The following BBX variants were observed in gnomAD, a reference collection of about 807,000 sequenced individuals.
The protein encoded by BBX is HMG box transcription factor BBX.
In BBX, 30 loss-of-function variants were observed where a neutral mutation model predicts 100.2. That is an observed-to-expected ratio of 0.30 (90% CI 0.22 to 0.41). The LOEUF (loss-of-function observed/expected upper bound fraction) is 0.41. BBX is among the 10% of genes least tolerant of loss of function. BBX has a pLI of 1.00. For synonymous variants in BBX, 376 were observed against 388.1 expected, an observed-to-expected ratio of 0.97 and a Z score of 0.37; for missense variants, 1,023 against 1,129.8, an observed-to-expected ratio of 0.91 and a Z score of 1.35.
At chr3:107,724,488 T>A (rs2062774071) in intron 5 of BBX, among the ~76,000 whole-genome samples, 1 of 152,220 alleles carries the variant, frequency 6.6e-6, no homozygotes, top group African/African-American at 2.4e-5. Context: ...TGCCCATGCC[T>A]ATGTCCTGAA....
chr3:107,606,421 A>G (rs1435259035), intron 2 of BBX, among the ~76,000 whole-genome samples: 5 of 152,206 alleles, frequency 3.3e-5, no homozygotes, highest in Non-Finnish European at 7.3e-5. Context: ...CCGTTTGGTT[A>G]ATACAGGTTG....
At chr3:107,693,404 G>A (rs1341103068) in intron 3 of BBX, among the ~76,000 whole-genome samples, 1 of 151,620 alleles carries the variant, frequency 6.6e-6, no homozygotes, top group African/African-American at 2.4e-5. Flanking sequence ...TCCAGTTTCA[G>A]CTTTCTACAT....
chr3:107,571,094 G>A lies in BBX; in HGVS notation c.-84+44696G>A, dbSNP rs576616072. 1.6e-4 allele frequency among the ~76,000 whole-genome samples: 25 copies of A among 152,274 alleles called. No individual in the cohort carries two copies. The South Asian group carries it at 2.3e-3, about 14-fold the overall frequency. ...CAGGCAAGAGTTAAAGAGGTTTTAAGTTTTTGAGAACACAGGCTAAGGGAG... is the reference window on the plus strand; with the variant it reads ...CAGGCAAGAGTTAAAGAGGTTTTAAATTTTTGAGAACACAGGCTAAGGGAG... On this transcript the variant is annotated intron_variant, in intron 2 of 17. Coordinates refer to ENST00000325805, the MANE Select transcript of BBX (RefSeq NM_001142568.3).
At chr3:107,699,025 C>A (rs2108169456) in intron 3 of BBX, among the ~76,000 whole-genome samples, 1 of 151,892 alleles carries the variant, frequency 6.6e-6, no homozygotes, top group Middle Eastern at 3.4e-3. Flanking sequence ...AGAACTCATT[C>A]ATTCATTCAT....
chr3:107,682,219 T>C (rs1234251683), intron 3 of BBX, among the ~76,000 whole-genome samples: 1 of 152,166 alleles, frequency 6.6e-6, no homozygotes, highest in Non-Finnish European at 1.5e-5. Flanking sequence ...ACTTTTCTTA[T>C]GGAAAGAACA....
chr3:107,803,668 C>T (rs1317145065), intron 17 of BBX, among the ~76,000 whole-genome samples: 4 of 152,144 alleles, frequency 2.6e-5, no homozygotes, highest in African/African-American at 9.7e-5. Flanking sequence ...TTTTAATGAC[C>T]GTTAATTAAC....
At chr3:107,685,939 T>A (rs1160238481) in intron 3 of BBX, among the ~76,000 whole-genome samples, 1 of 152,216 alleles carries the variant, frequency 6.6e-6, no homozygotes, top group Non-Finnish European at 1.5e-5. Context: ...GGCTGTGACT[T>A]CTCTCATTAG....
chr3:107,584,080 T>A lies in BBX; in HGVS notation c.-84+57682T>A, dbSNP rs1262957993. On this transcript the variant is annotated intron_variant, in intron 2 of 17. Transcript: ENST00000325805. ...TATATATATCATATATTATATATAT[T>A]ATATATATCATATATTATATATATT... 3.2e-3 allele frequency among the ~76,000 whole-genome samples: 80 copies of A among 25,016 alleles called. 7 individuals are homozygous for A. The highest frequency in any genetic ancestry group is 0.01 in the African/African-American group (62 of 5,936). The allele number at this position is 25,016 out of a possible 152,430, so 16.4% of individuals were successfully genotyped here.
intron 2 of BBX, among the ~76,000 whole-genome samples, chr3:107,530,750 A>G (rs1317773622): frequency 3.9e-5 from 6 of 152,384 alleles, no homozygotes; most frequent in African/African-American, 1.4e-4. Flanking sequence ...TACCTTTAAC[A>G]TCCCAATCCA....
rs1338070230 is a variant in BBX, at chr3:107,811,035, G to A, written c.*5578G>A. The stretch of plus-strand genomic sequence containing the variant: ...TATTGCTTTCTTAGATGTATGTGTA[G>A]TAAAAGTCAATATACACATTTATAT... On this transcript the variant is annotated 3_prime_UTR_variant, in exon 18 of 18. Coordinates refer to ENST00000325805, the MANE Select transcript of BBX (RefSeq NM_001142568.3). 6.6e-6 allele frequency: 1 copy of A among 152,010 alleles called. No homozygotes were observed. Among genetic ancestry groups the A allele is most frequent in the Non-Finnish European group, 1.5e-5 (1 of 68,018 alleles). 9.4% of individuals were successfully genotyped at this position (152,010 alleles called of 1,614,324 possible). A position where few individuals can be genotyped will look rare whatever the true frequency, so the allele number is the denominator to read the frequency against.
At chr3:107,774,199 T>A (rs901664663) in intron 11 of BBX, among the ~76,000 whole-genome samples, 2 of 152,182 alleles carry the variant, frequency 1.3e-5, no homozygotes, top group Non-Finnish European at 2.9e-5. Flanking sequence ...GTTAACCTGT[T>A]TACCTTTATT....
intron 3 of BBX, among the ~76,000 whole-genome samples, chr3:107,648,452 G>A (rs951403347): frequency 7.9e-5 from 12 of 152,114 alleles, no homozygotes; most frequent in African/African-American, 2.9e-4. Flanking sequence ...TTTTACCTAT[G>A]TATAATAGGT....
chr3:107,704,228 T>C (rs1407788436), intron 3 of BBX, among the ~76,000 whole-genome samples: 1 of 152,218 alleles, frequency 6.6e-6, no homozygotes, highest in African/African-American at 2.4e-5. Context: ...CATATCAGAA[T>C]TTTAAAAAAA....
At chr3:107,538,512 C>T (rs9837251) in intron 2 of BBX, among the ~76,000 whole-genome samples, 17,916 of 151,926 alleles carry the variant, frequency 0.12, 1,402 homozygotes, top group Middle Eastern at 0.19. Context: ...TTAGGATGAT[C>T]GATACTTTTC....
intron 3 of BBX, among the ~76,000 whole-genome samples, chr3:107,697,778 G>C (rs186931527): frequency 6.6e-6 from 1 of 151,766 alleles, no homozygotes; most frequent in Non-Finnish European, 1.5e-5. Context: ...GGGCAATGGC[G>C]GGCGCCCCTC....
intron 15 of BBX, among the ~76,000 whole-genome samples, chr3:107,793,879 T>G (rs2069320616): frequency 6.6e-6 from 1 of 152,114 alleles, no homozygotes; most frequent in Non-Finnish European, 1.5e-5. Context: ...ATATCAGAAA[T>G]ATTTAGATGC....
At chr3:107,595,284 A>C (rs897898724) in intron 2 of BBX, among the ~76,000 whole-genome samples, 3 of 152,240 alleles carry the variant, frequency 2.0e-5, no homozygotes, top group Non-Finnish European at 4.4e-5. Flanking sequence ...ATATAATAAT[A>C]GTAACTTTAT....
chr3:107,687,334 CTTT>C (rs35093419), intron 3 of BBX, among the ~76,000 whole-genome samples: 2 of 144,854 alleles, frequency 1.4e-5, no homozygotes, highest in African/African-American at 2.5e-5. Flanking sequence ...AGTTAAGTTT[CTTT>C]TTTTTTTTTT....
chr3:107,678,460 C>G (rs913869306), intron 3 of BBX, among the ~76,000 whole-genome samples: 1 of 152,076 alleles, frequency 6.6e-6, no homozygotes, highest in African/African-American at 2.4e-5. Context: ...TGGCTCAAGC[C>G]TATAATCCCA....
Sources: gnomAD v4.1 joint callset for allele counts (sites outside exome capture counted in the v4.1 genomes callset) on GRCh38, gnomAD v4.1.1 for gene constraint, MANE v1.5 for transcripts, NCBI Gene and HGNC (gene_info 2026-07-23, HGNC 2026-07-21) for gene names.